Variants in PPP1R12C observed in about 807,000 individuals in gnomAD.
The protein encoded by PPP1R12C is protein phosphatase 1 regulatory subunit 12C.
Under a neutral mutation model 95.6 loss-of-function variants are expected in PPP1R12C, and 48 were observed. The observed-to-expected ratio is 0.50, with a 90% CI of 0.40 to 0.64. The LOEUF is 0.64. Among genes scored for constraint, PPP1R12C ranks in the 30% least tolerant of loss-of-function variants. The pLI is 0.00. For missense variants in PPP1R12C, 1,057 were observed against 1,083.3 expected (o/e 0.98, Z 0.34); for synonymous variants, 480 against 460.8 (o/e 1.04, Z -0.53).
Position 55,098,832 on chromosome 19 carries a change from A to T in PPP1R12C, c.903T>A (p.Asp301Glu). The T allele has an allele frequency of 6.2e-7, 1 of 1,613,394 alleles. No individual in the cohort carries two copies. Among genetic ancestry groups the T allele is most frequent in the Non-Finnish European group, 8.5e-7 (1 of 1,179,970 alleles). Residue 301 changes from aspartate (D) to glutamate (E), a missense_variant, in exon 6 of 22, where the codon GAT (aspartate) becomes GAA (glutamate). Coordinates refer to ENST00000263433, the MANE Select transcript of PPP1R12C (RefSeq NM_017607.4). The stretch of plus-strand genomic sequence containing the variant: ...CCTCCAACAGGCTCAGTACTTCCTC[A>T]TCGGCCAGGTCACAGGGACGCTGCC... ...HAGQRPCDLA[D>E]EEVLSLLEEL...
intron 18 of PPP1R12C, 51 bp downstream of exon 18, chr19:55,092,391 G>T: frequency 6.4e-7 from 1 of 1,574,080 alleles, no homozygotes; most frequent in Admixed American, 1.9e-5. Context: ...GGGGAAGCCA[G>T]GAAGCTGGGC....
intron 3 of PPP1R12C, among the ~76,000 whole-genome samples, chr19:55,111,204 G>A (rs998911540): frequency 1.3e-5 from 2 of 151,424 alleles, no homozygotes; most frequent in Non-Finnish European, 2.9e-5. Flanking sequence ...GTTTCGTTGG[G>A]GGATGATGAA....
chr19:55,091,680 G>A lies in PPP1R12C; in HGVS notation c.2232C>T (p.Arg744=), dbSNP rs566932830. The change falls in exon 21 of 22, where the codon CGC becomes CGT. Residue 744 remains arginine, a synonymous_variant. Coordinates refer to ENST00000263433, the MANE Select transcript of PPP1R12C (RefSeq NM_017607.4). ...LERFERRALE[R]KAAELEEELK... is the part of the protein sequence containing the mutation. Reference sequence around the variant, plus strand: ...GCTCCTCCTCCAGCTCTGCGGCCTTGCGTTCCAGGGCCCTGCGCTCCTGGA... The same window carrying A: ...GCTCCTCCTCCAGCTCTGCGGCCTTACGTTCCAGGGCCCTGCGCTCCTGGA... 9 of 1,611,556 alleles carry A rather than the reference G, an allele frequency of 5.6e-6. No homozygotes were observed. The African/African-American group carries it at 9.4e-5, about 17-fold the overall frequency.
intron 6 of PPP1R12C, 84 bp downstream of exon 6, chr19:55,098,700 G>A: frequency 2.7e-6 from 4 of 1,481,370 alleles, no homozygotes; most frequent in Non-Finnish European, 3.7e-6. Flanking sequence ...TCAGAAGTCG[G>A]GGGGGTTCCC....
rs985840618 is a variant in PPP1R12C, at chr19:55,109,933, T to TC, written c.571+2533dup. Among the ~76,000 whole-genome samples, 14 of 152,058 alleles carry TC rather than the reference T, an allele frequency of 9.2e-5. No homozygotes were observed. Among genetic ancestry groups the TC allele is most frequent in the Admixed American group, 3.9e-4 (6 of 15,274 alleles). On this transcript the variant is annotated intron_variant, in intron 3 of 21. Coordinates refer to ENST00000263433, the MANE Select transcript of PPP1R12C (RefSeq NM_017607.4). The surrounding 1 kb of genome is among the most constrained non-coding windows in gnomAD (Gnocchi z 4.4). The stretch of plus-strand genomic sequence containing the variant: ...CCCGAGCAGCACGGCTGAGGGTCTT[T>TC]CCAGTGGCCCCAGTGGTCTTCGTTC...
At chr19:55,091,784 T>G in intron 20 of PPP1R12C, 75 bp downstream of exon 20, 2 of 1,611,366 alleles carry the variant, frequency 1.2e-6, no homozygotes, top group Non-Finnish European at 8.5e-7. Context: ...AAGGGCAATG[T>G]GGCTCCCTTG....
Position 55,096,471 on chromosome 19 carries a change from G to A in PPP1R12C, c.952-136C>T, listed in dbSNP as rs1404921050. 8 of 1,044,582 alleles carry A rather than the reference G, an allele frequency of 7.7e-6. No individual in the cohort carries two copies. The Admixed American group carries it at 1.6e-4, about 20-fold the overall frequency. 64.7% of individuals were successfully genotyped at this position (1,044,582 alleles called of 1,614,324 possible). On this transcript the variant is annotated intron_variant, in intron 6 of 21. Transcript: ENST00000263433. ...TCGTGGGCTTACTGGTTTTCCTACA[G>A]ATGGCCACACACCTCAGGGGCAGGA...
chr19:55,110,698 C>G (rs1568819170), intron 3 of PPP1R12C, among the ~76,000 whole-genome samples: 1 of 152,058 alleles, frequency 6.6e-6, no homozygotes, highest in East Asian at 1.9e-4. Context: ...CATGGTGAAA[C>G]CCCATCTCTA....
intron 3 of PPP1R12C, among the ~76,000 whole-genome samples, chr19:55,107,496 T>C (rs1192170215): frequency 6.6e-6 from 1 of 152,100 alleles, no homozygotes; most frequent in African/African-American, 2.4e-5. Context: ...GTGTGGCACA[T>C]ATACACCATG....
At chr19:55,116,031 A>C (rs1342550830) in intron 1 of PPP1R12C, among the ~76,000 whole-genome samples, 1 of 152,152 alleles carries the variant, frequency 6.6e-6, no homozygotes, top group African/African-American at 2.4e-5. Context: ...TGCCCAAATG[A>C]AAGGAGTGAG....
chr19:55,098,351 C>T (rs2084945122), intron 6 of PPP1R12C, among the ~76,000 whole-genome samples: 1 of 152,232 alleles, frequency 6.6e-6, no homozygotes, highest in Non-Finnish European at 1.5e-5. Flanking sequence ...GCAGTCTGGC[C>T]AAGGCTCACG....
rs745911836 is a variant in PPP1R12C at position 55,094,748 on chromosome 19, G to A, written c.1505C>T (p.Ser502Phe). Residue 502 changes from serine to phenylalanine, a missense_variant, in exon 12 of 22, where the codon TCC (serine) becomes TTC (phenylalanine). This residue lies in a region of PPP1R12C where 356 missense variants were observed against 330.5 expected (regional missense o/e 1.08). Coordinates refer to ENST00000263433, the MANE Select transcript of PPP1R12C (RefSeq NM_017607.4). ...PPCLENSSPPSRIPEPESPAK... is the reference protein window; with the variant it reads ...PPCLENSSPPFRIPEPESPAK... ...TGGGGATTCAGGCTCCGGAATCCTG[G>A]AGGGAGGCGAGGAGTTCTCCAAGCA... 12 of 1,607,876 alleles carry A rather than the reference G, an allele frequency of 7.5e-6. No homozygotes were observed. Among genetic ancestry groups the A allele is most frequent in the Admixed American group, 5.1e-5 (3 of 59,018 alleles).
chr19:55,117,330 G>A lies in PPP1R12C; in HGVS notation c.214C>T (p.Arg72Cys), dbSNP rs1301314140. 6.0e-6 allele frequency: 7 copies of A among 1,172,902 alleles called. No homozygotes were observed. Among genetic ancestry groups the A allele is most frequent in the Non-Finnish European group, 7.4e-6 (7 of 951,752 alleles). 72.7% of individuals were successfully genotyped at this position (1,172,902 alleles called of 1,614,324 possible). A position where few individuals can be genotyped will look rare whatever the true frequency, so the allele number is the denominator to read the frequency against. The change falls in exon 1 of 22, where the codon CGC becomes TGC. Residue 72 changes from arginine to cysteine, a missense_variant. Transcript: ENST00000263433. ...GCGCCGGGGCCAGGGTCGGCGGCGCGCAGCATCAGACGCGCCTCGTCCAGG... is the reference window on the plus strand; with the variant it reads ...GCGCCGGGGCCAGGGTCGGCGGCGCACAGCATCAGACGCGCCTCGTCCAGG... ...GDLDEARLML[R>C]AADPGPGAEL...
Position 55,109,911 on chromosome 19 carries a change from G to A in PPP1R12C, c.571+2556C>T, listed in dbSNP as rs527866556. Among the ~76,000 whole-genome samples the A allele has an allele frequency of 2.0e-4, 31 of 152,260 alleles. No homozygotes were observed. The highest frequency in any genetic ancestry group is 7.2e-4 in the African/African-American group (30 of 41,558). On this transcript the variant is annotated intron_variant, in intron 3 of 21. Coordinates refer to ENST00000263433, the MANE Select transcript of PPP1R12C (RefSeq NM_017607.4). This position sits in a 1 kb window ranked among gnomAD's most constrained non-coding sequence, Gnocchi z 4.4. ...ATTTGGGGCCGCAGAGTCCCACCCC[G>A]AGCAGCACGGCTGAGGGTCTTTCCA...
chr19:55,117,594 G>A lies in PPP1R12C; in HGVS notation c.-51C>T, dbSNP rs1427396923. The A allele has an allele frequency of 3.1e-6, 3 of 958,422 alleles. No homozygotes were observed. Among genetic ancestry groups the A allele is most frequent in the African/African-American group, 1.8e-5 (1 of 55,454 alleles). The allele number at this position is 958,422 out of a possible 1,614,324, so 59.4% of individuals were successfully genotyped here. ...GAGCGAGCGCCGAGCCCCAACCGCC[G>A]CCACCACCCGCCCGCCCGCCCGCCC... On this transcript the variant is annotated 5_prime_UTR_variant, in exon 1 of 22. Transcript: ENST00000263433.
At chr19:55,113,400 C>T in intron 1 of PPP1R12C, 1 of 1,477,630 alleles carries the variant, frequency 6.8e-7, no homozygotes, top group African/African-American at 1.4e-5. Flanking sequence ...ACCTGTGTGC[C>T]TGGGCCCCAG....
intron 16 of PPP1R12C, 21 bp downstream of exon 16, chr19:55,092,762 G>C (rs1362852121): frequency 1.3e-6 from 2 of 1,543,250 alleles, no homozygotes. Flanking sequence ...GCACCAGCTC[G>C]GCCCCACCTG....
At chr19:55,094,258 C>T in intron 13 of PPP1R12C, 87 bp downstream of exon 13, 1 of 1,097,250 alleles carries the variant, frequency 9.1e-7, no homozygotes, top group South Asian at 1.3e-5. Flanking sequence ...TCCAGGCCCC[C>T]AGCCCCTCCT....
chr19:55,091,653 C>T lies in PPP1R12C; in HGVS notation c.2259G>A (p.Leu753=), dbSNP rs1255312890. The T allele has an allele frequency of 1.9e-6, 3 of 1,557,344 alleles. No individual in the cohort carries two copies. The highest frequency in any genetic ancestry group is 1.7e-5 in the Admixed American group (1 of 58,294). The stretch of plus-strand genomic sequence containing the variant: ...CCACAGCCCCCACAGCCCCCACCTT[C>T]AGCTCCTCCTCCAGCTCTGCGGCCT... ...ERKAAELEEE[L]KALSDLRADN... is the part of the protein sequence containing the mutation. The change falls in exon 21 of 22, where the codon CTG becomes CTA. Residue 753 remains leucine (L), a synonymous_variant. Coordinates refer to ENST00000263433, the MANE Select transcript of PPP1R12C (RefSeq NM_017607.4).
Sources: gnomAD v4.1 joint callset for allele counts (sites outside exome capture counted in the v4.1 genomes callset) on GRCh38, gnomAD v4.1.1 for gene constraint, gnomAD v4.1.1 regional missense constraint, Gnocchi (gnomAD v3.1) non-coding constraint, MANE v1.5 for transcripts, NCBI Gene and HGNC (gene_info 2026-07-23, HGNC 2026-07-21) for gene names.